Variants in MIER2 observed in about 807,000 individuals in gnomAD.
MIER2 encodes the protein MIER family member 2, also known as mesoderm induction early response protein 2.
MIER2 carries 30 observed loss-of-function variants against 67.6 expected under a neutral mutation model. The ratio of observed to expected loss-of-function variants is 0.44; its 90% confidence interval spans 0.33 to 0.60. The LOEUF (loss-of-function observed/expected upper bound fraction) is 0.60, where lower values mean the gene tolerates loss of function less well. Among genes scored for constraint, MIER2 ranks in the 20% least tolerant of loss-of-function variants. The pLI, the probability that MIER2 is intolerant of heterozygous loss-of-function variation, is 0.02. For synonymous variants in MIER2, 372 were observed against 312.6 expected (o/e 1.19, Z -2.00); for missense variants, 702 against 745.1 (o/e 0.94, Z 0.67).
At chr19:309,318 C>T (rs749392441) in intron 10 of MIER2, among the ~76,000 whole-genome samples, 1 of 152,060 alleles carries the variant, frequency 6.6e-6, no homozygotes, top group African/African-American at 2.4e-5. Context: ...CTCACAGGCC[C>T]GGGGTGGGAG....
intron 1 of MIER2, 61 bp from the exon 2 acceptor site, chr19:336,234 A>G: frequency 7.2e-7 from 1 of 1,398,424 alleles, no homozygotes; most frequent in Non-Finnish European, 1.0e-6. Flanking sequence ...TGGACATCAC[A>G]GTGTGGCAGC....
intron 7 of MIER2, among the ~76,000 whole-genome samples, chr19:320,711 G>A (rs985418485): frequency 2.6e-5 from 4 of 152,132 alleles, no homozygotes; most frequent in Non-Finnish European, 5.9e-5. Flanking sequence ...GAGGTGGAAC[G>A]GTTTCCTCCT....
At chr19:340,882 A>G (rs1405905793) in intron 1 of MIER2, among the ~76,000 whole-genome samples, 1 of 152,122 alleles carries the variant, frequency 6.6e-6, no homozygotes, top group Non-Finnish European at 1.5e-5. Flanking sequence ...GGGAAGGAAG[A>G]GCCAGCAGGG....
chr19:309,587 C>CA (rs1031583108), intron 10 of MIER2, among the ~76,000 whole-genome samples: 3 of 149,324 alleles, frequency 2.0e-5, no homozygotes, highest in African/African-American at 7.5e-5. Flanking sequence ...CACACACACA[C>CA]ACACACAAGG....
Position 344,404 on chromosome 19 carries a change from C to A in MIER2, c.9+370G>T, listed in dbSNP as rs1292434475. On this transcript the variant is annotated intron_variant, in intron 1 of 13. Transcript: ENST00000264819. ...GGGGAGGCCTGCGCGCCGCGGGGCCCGGGCCGGGGCCGGGAACCGGAGCCG... is the reference window on the plus strand; with the variant it reads ...GGGGAGGCCTGCGCGCCGCGGGGCCAGGGCCGGGGCCGGGAACCGGAGCCG... 7 of 983,724 alleles carry A rather than the reference C, an allele frequency of 7.1e-6. 1 individual carries two copies. In the South Asian group the frequency reaches 2.8e-4, roughly 40 times the overall value. 60.9% of individuals were successfully genotyped at this position (983,724 alleles called of 1,614,324 possible).
At chr19:336,614 C>G (rs1258177073) in intron 1 of MIER2, among the ~76,000 whole-genome samples, 1 of 152,084 alleles carries the variant, frequency 6.6e-6, no homozygotes, top group Non-Finnish European at 1.5e-5. Flanking sequence ...GGCCAGGAGC[C>G]AGGGAGAGAG....
intron 1 of MIER2, chr19:343,885 T>C: frequency 1.0e-6 from 1 of 985,128 alleles, no homozygotes. Flanking sequence ...CACTCCAAAA[T>C]CAAAAAAAGC....
intron 10 of MIER2, among the ~76,000 whole-genome samples, chr19:311,511 A>T (rs1461958256): frequency 6.6e-6 from 1 of 152,186 alleles, no homozygotes; most frequent in Non-Finnish European, 1.5e-5. Context: ...CCAATGCTGG[A>T]CACTGAGCCA....
At chr19:325,155 G>T (rs1971681920) in intron 7 of MIER2, among the ~76,000 whole-genome samples, 1 of 152,242 alleles carries the variant, frequency 6.6e-6, no homozygotes, top group South Asian at 2.1e-4. Context: ...ACGCCTCAAA[G>T]GGGCAAGAGA....
chr19:309,954 AC>A (rs1970873063), intron 10 of MIER2, among the ~76,000 whole-genome samples: 1 of 129,878 alleles, frequency 7.7e-6, no homozygotes, highest in African/African-American at 3.4e-5. Context: ...ACGAGAAGAG[AC>A]ACACACACGC....
In MIER2 at chr19:325,745, T is replaced by A. The variant is rs377102881; in HGVS notation, c.586-41A>T. On this transcript the variant is annotated intron_variant, in intron 6 of 13. Coordinates refer to ENST00000264819, the MANE Select transcript of MIER2 (RefSeq NM_017550.3). Reference sequence around the variant, plus strand: ...CTGGGAATCAGGACACTGAGGAGCATCTAGGCCGGGCGGGAGGCTGGCTGC... The same window carrying A: ...CTGGGAATCAGGACACTGAGGAGCAACTAGGCCGGGCGGGAGGCTGGCTGC... 21 of 1,611,566 alleles carry A rather than the reference T, an allele frequency of 1.3e-5. No individual in the cohort carries two copies. The African/African-American group carries it at 1.7e-4, about 13-fold the overall frequency.
In MIER2 at chr19:332,450, T is replaced by C. The variant is rs554348662; in HGVS notation, c.243+1950A>G. Among the ~76,000 whole-genome samples, 535 of 151,544 alleles carry C rather than the reference T, an allele frequency of 3.5e-3. 4 individuals are homozygous for C. Among genetic ancestry groups the C allele is most frequent in the African/African-American group, 0.012 (515 of 41,246 alleles). ...TTTGAGTGCTGGGATTACAGGCGCC[T>C]GCTACCACGCCCGGCTAATTTTTGT... On this transcript the variant is annotated intron_variant, in intron 3 of 13. Transcript: ENST00000264819.
At chr19:328,025 G>C in intron 3 of MIER2, 36 bp from the exon 4 acceptor site, 1 of 1,608,710 alleles carries the variant, frequency 6.2e-7, no homozygotes, top group Non-Finnish European at 8.5e-7. Context: ...CCATCAGGAG[G>C]GACGGCTCTG....
In MIER2 at chr19:327,923, C is replaced by G. The variant is rs10421231; in HGVS notation, c.310G>C (p.Asp104His). The G allele has an allele frequency of 6.2e-7, 1 of 1,613,108 alleles. No individual in the cohort carries two copies. Among genetic ancestry groups the G allele is most frequent in the Non-Finnish European group, 8.5e-7 (1 of 1,179,574 alleles). ...ACGTCACCACCCTCACTCTCCCGGT[C>G]TGAAATGGGGTCTGACGCCTCGTAG... ...YGYEASDPISDRESEGGDVAP... is the reference protein window; with the variant it reads ...YGYEASDPISHRESEGGDVAP... Residue 104 changes from aspartate to histidine, a missense_variant, in exon 4 of 14, where the codon GAC becomes CAC. By Grantham distance (81) the Asp-to-His change is moderately conservative. Transcript: ENST00000264819.
intron 7 of MIER2, among the ~76,000 whole-genome samples, chr19:323,539 A>G (rs867626606): frequency 6.6e-6 from 1 of 152,012 alleles, no homozygotes; most frequent in African/African-American, 2.4e-5. Flanking sequence ...CGTCATCACA[A>G]TGCAATACAC....
intron 5 of MIER2, 127 bp downstream of exon 5, chr19:327,006 C>G: frequency 7.4e-7 from 1 of 1,351,636 alleles, no homozygotes; most frequent in South Asian, 1.5e-5. Context: ...TGACGCTTCC[C>G]GCCAGGCAGA....
In MIER2 at chr19:335,973, T is replaced by C; in HGVS notation, c.100+110A>G. The C allele has an allele frequency of 3.7e-6, 4 of 1,072,958 alleles. No individual in the cohort carries two copies. In the South Asian group the frequency reaches 5.7e-5, roughly 15 times the overall value. 66.5% of individuals were successfully genotyped at this position (1,072,958 alleles called of 1,614,324 possible). A position where few individuals can be genotyped will look rare whatever the true frequency, so the allele number is the denominator to read the frequency against. On this transcript the variant is annotated intron_variant, in intron 2 of 13. Coordinates refer to ENST00000264819, the MANE Select transcript of MIER2 (RefSeq NM_017550.3). ...GTGGGAGCTGGGACACCCTGGACTC[T>C]GGAAGCCAGTGTGCCGGTCCACAGC...
chr19:319,615 C>T (rs144515342), intron 7 of MIER2, among the ~76,000 whole-genome samples: 26 of 152,198 alleles, frequency 1.7e-4, no homozygotes, highest in African/African-American at 5.3e-4. Context: ...CGTGCCACCA[C>T]GCTCAGCTAA....
At chr19:311,061 G>A (rs1202499896) in intron 10 of MIER2, among the ~76,000 whole-genome samples, 1 of 152,224 alleles carries the variant, frequency 6.6e-6, no homozygotes, top group Admixed American at 6.5e-5. Flanking sequence ...CCCCGGGCAG[G>A]TGCCTCCTCA....
Sources: allele counts gnomAD v4.1 joint callset (sites outside exome capture counted in the v4.1 genomes callset), GRCh38; gene constraint gnomAD v4.1.1; transcripts MANE v1.5; gene names NCBI Gene and HGNC (gene_info 2026-07-23, HGNC 2026-07-21).